The following ALDH1L1 variants were observed in gnomAD, a reference collection of about 807,000 sequenced individuals.
ALDH1L1 encodes cytosolic 10-formyltetrahydrofolate dehydrogenase.
In ALDH1L1, 68 loss-of-function variants were observed where a neutral mutation model predicts 101.1. That is an observed-to-expected ratio of 0.67 (90% CI 0.55 to 0.82). The LOEUF (loss-of-function observed/expected upper bound fraction) is 0.82, where lower values mean the gene tolerates loss of function less well. ALDH1L1 is among the 40% of genes least tolerant of loss of function. The pLI is 0.00. For synonymous variants in ALDH1L1, 486 were observed against 470.8 expected (o/e 1.03, Z -0.42); for missense variants, 1,087 against 1,172.7 (o/e 0.93, Z 1.07).
At chr3:126,140,999 C>T (rs2080556803) in intron 9 of ALDH1L1, among the ~76,000 whole-genome samples, 1 of 151,876 alleles carries the variant, frequency 6.6e-6, no homozygotes, top group African/African-American at 2.4e-5. Context: ...CATGAGAAGG[C>T]ACAAATTGGA....
In ALDH1L1 at chr3:126,149,592, T is replaced by G. The variant is rs562310194; in HGVS notation, c.984+814A>C. ...AGGTGTTCCACTTTCAAGAAGGAAGTTGCTGGCTCTCAGCACCTTTGGATC... is the reference window on the plus strand; with the variant it reads ...AGGTGTTCCACTTTCAAGAAGGAAGGTGCTGGCTCTCAGCACCTTTGGATC... On this transcript the variant is annotated intron_variant, in intron 8 of 22. Coordinates refer to ENST00000393434, the MANE Select transcript of ALDH1L1 (RefSeq NM_012190.4). Among the ~76,000 whole-genome samples, 11 of 152,362 alleles carry G rather than the reference T, an allele frequency of 7.2e-5. No individual in the cohort carries two copies. In the South Asian group the frequency reaches 8.3e-4, roughly 11 times the overall value.
intron 1 of ALDH1L1, among the ~76,000 whole-genome samples, chr3:126,177,026 T>C (rs2081375301): frequency 6.6e-6 from 1 of 152,204 alleles, no homozygotes; most frequent in South Asian, 2.1e-4. Context: ...ATATGCGTAT[T>C]AGAAGAGTTA....
intron 4 of ALDH1L1, 117 bp downstream of exon 4, chr3:126,157,226 C>T: frequency 1.5e-6 from 2 of 1,317,024 alleles, no homozygotes; most frequent in East Asian, 2.3e-5. Flanking sequence ...CCTCTCCCTC[C>T]AGAATCCTGA....
At chr3:126,130,115 G>A in intron 14 of ALDH1L1, 108 bp downstream of exon 14, 1 of 1,043,654 alleles carries the variant, frequency 9.6e-7, no homozygotes, top group Non-Finnish European at 1.3e-6. Flanking sequence ...ATGGCTGTTT[G>A]ATAAATGCAC....
At chr3:126,123,607 T>C (rs149576390) in intron 16 of ALDH1L1, among the ~76,000 whole-genome samples, 46 of 123,896 alleles carry the variant, frequency 3.7e-4, no homozygotes, top group African/African-American at 1.1e-3. Flanking sequence ...AGAAAAAAAC[T>C]GAACTAAATT....
intron 1 of ALDH1L1, among the ~76,000 whole-genome samples, chr3:126,187,336 G>A (rs10934753): frequency 0.36 from 54,100 of 151,768 alleles, 10,392 homozygotes; most frequent in Middle Eastern, 0.49. Context: ...AAGGAAGGGA[G>A]GGTGGGAGGA....
intron 19 of ALDH1L1, among the ~76,000 whole-genome samples, chr3:126,112,313 A>G (rs1457101628): frequency 6.6e-6 from 1 of 152,132 alleles, no homozygotes. Context: ...ACAGGGGCCC[A>G]CAGCCTGGCC....
intron 14 of ALDH1L1, among the ~76,000 whole-genome samples, chr3:126,127,230 G>C (rs906827466): frequency 6.6e-6 from 1 of 152,170 alleles, no homozygotes; most frequent in Admixed American, 6.5e-5. Flanking sequence ...GCCCTGGCAC[G>C]GGGTCAAAGG....
chr3:126,155,392 C>T lies in ALDH1L1; in HGVS notation c.630+10G>A. 2.5e-6 allele frequency: 4 copies of T among 1,610,916 alleles called. No homozygotes were observed. In the East Asian group the frequency reaches 8.9e-5, roughly 36 times the overall value. ...GGCAGGATGAGGGTGTGGAGGGACCCAGCACTCACCTTGGCTGTCTCCTTC... is the reference window on the plus strand; with the variant it reads ...GGCAGGATGAGGGTGTGGAGGGACCTAGCACTCACCTTGGCTGTCTCCTTC... On this transcript the variant is annotated intron_variant, in intron 5 of 22. Transcript: ENST00000393434.
At chr3:126,122,763 A>G (rs977860384) in intron 16 of ALDH1L1, among the ~76,000 whole-genome samples, 4 of 152,218 alleles carry the variant, frequency 2.6e-5, no homozygotes, top group African/African-American at 9.6e-5. Flanking sequence ...GTTGATTTTG[A>G]TAAGTATATG....
intron 7 of ALDH1L1, 97 bp downstream of exon 7, chr3:126,153,347 C>T (rs1308813541): frequency 6.3e-7 from 1 of 1,584,822 alleles, no homozygotes; most frequent in Admixed American, 1.7e-5. Flanking sequence ...TTTCCATTTT[C>T]TCCAGAGGAG....
At chr3:126,166,873 G>A (rs1277007746) in intron 1 of ALDH1L1, among the ~76,000 whole-genome samples, 1 of 152,084 alleles carries the variant, frequency 6.6e-6, no homozygotes, top group Non-Finnish European at 1.5e-5. Context: ...TTGCCACTGG[G>A]GAATTCAAGT....
chr3:126,149,714 C>A (rs567192070), intron 8 of ALDH1L1, among the ~76,000 whole-genome samples: 33 of 152,246 alleles, frequency 2.2e-4, no homozygotes, highest in African/African-American at 7.9e-4. Flanking sequence ...CTGCCCCTCA[C>A]CCCCTGGGCT....
intron 1 of ALDH1L1, among the ~76,000 whole-genome samples, chr3:126,162,669 T>G (rs1415140955): frequency 1.3e-5 from 2 of 152,236 alleles, no homozygotes; most frequent in Non-Finnish European, 2.9e-5. Flanking sequence ...TAATGTCTTT[T>G]GATGAACAGA....
chr3:126,183,502 G>T (rs1025264886), upstream of ALDH1L1, among the ~76,000 whole-genome samples: 2 of 152,168 alleles, frequency 1.3e-5, no homozygotes, highest in African/African-American at 4.8e-5. Flanking sequence ...ATAGAACAAA[G>T]AACCCAAAGG....
intron 20 of ALDH1L1, among the ~76,000 whole-genome samples, chr3:126,109,440 G>C (rs1487913432): frequency 6.6e-6 from 1 of 152,116 alleles, no homozygotes; most frequent in South Asian, 2.1e-4. Context: ...CTGGCTGTGC[G>C]GTCAGGAGCT....
chr3:126,186,546 A>C (rs2077523), intron 1 of ALDH1L1, among the ~76,000 whole-genome samples: 70,263 of 151,978 alleles, frequency 0.46, 16,369 homozygotes, highest in Middle Eastern at 0.57. Context: ...GGGTGTGGAG[A>C]ACTTCATGGA....
intron 16 of ALDH1L1, among the ~76,000 whole-genome samples, chr3:126,120,404 C>T (rs2080056290): frequency 6.6e-6 from 1 of 152,174 alleles, no homozygotes; most frequent in Admixed American, 6.5e-5. Flanking sequence ...AATTACATGA[C>T]ATTCTGGAAA....
At chr3:126,149,154 C>T (rs1459462302) in intron 8 of ALDH1L1, among the ~76,000 whole-genome samples, 1 of 152,232 alleles carries the variant, frequency 6.6e-6, no homozygotes, top group African/African-American at 2.4e-5. Context: ...TCTCCAAACT[C>T]ATTTTCTGAG....
Sources: allele counts gnomAD v4.1 joint callset (sites outside exome capture counted in the v4.1 genomes callset), GRCh38; gene constraint gnomAD v4.1.1; transcripts MANE v1.5; gene names NCBI Gene and HGNC (gene_info 2026-07-23, HGNC 2026-07-21).